The following ATP2B2 variants were observed in gnomAD, a reference collection of about 807,000 sequenced individuals.
ATP2B2 encodes ATPase plasma membrane Ca2+ transporting 2, also known as plasma membrane calcium-transporting ATPase 2.
Under a neutral mutation model 120.0 loss-of-function variants are expected in ATP2B2, and 15 were observed. The observed-to-expected ratio is 0.12, with a 90% CI of 0.08 to 0.19. ATP2B2 has a LOEUF of 0.19. Among genes scored for constraint, ATP2B2 ranks in the 10% least tolerant of loss-of-function variants. ATP2B2 has a pLI of 1.00. For synonymous variants in ATP2B2, 694 were observed against 700.3 expected (o/e 0.99, Z 0.14); for missense variants, 1,045 against 1,719.8 (o/e 0.61, Z 6.94).
chr3:10,351,288 T>C (rs963444771), intron 14 of ATP2B2, among the ~76,000 whole-genome samples: 1 of 142,116 alleles, frequency 7.0e-6, no homozygotes, highest in Non-Finnish European at 1.5e-5. Context: ...GAGCTGAGGG[T>C]TTCCCCGAGG....
chr3:10,526,996 A>G (rs899816503), intron 3 of ATP2B2, among the ~76,000 whole-genome samples: 1 of 152,160 alleles, frequency 6.6e-6, no homozygotes, highest in Admixed American at 6.5e-5. Context: ...TCCCCATTTC[A>G]TGGGTTTTTA....
intron 2 of ATP2B2, among the ~76,000 whole-genome samples, chr3:10,580,813 T>A (rs1400528668): frequency 6.6e-6 from 1 of 152,230 alleles, no homozygotes; most frequent in Non-Finnish European, 1.5e-5. Flanking sequence ...CAGGCTTCAA[T>A]TGCTTCTTGT....
intron 1 of ATP2B2, among the ~76,000 whole-genome samples, chr3:10,667,346 T>C (rs2070968257): frequency 6.6e-6 from 1 of 152,200 alleles, no homozygotes. Context: ...CACAATATTA[T>C]GTCTTTGGGT....
intron 2 of ATP2B2, among the ~76,000 whole-genome samples, chr3:10,413,407 G>A (rs940510792): frequency 6.6e-6 from 1 of 152,220 alleles, no homozygotes; most frequent in African/African-American, 2.4e-5. Flanking sequence ...TGTTGGTGCA[G>A]GCAAGCTCTT....
chr3:10,326,490 G>A lies in ATP2B2; in HGVS notation c.*2324C>T, dbSNP rs1348432061. ...GGAACGAGGTCACGGACACATGACT[G>A]ATCAAAGAAGTGGGGAGATGGAAAA... On this transcript the variant is annotated 3_prime_UTR_variant, in exon 23 of 23. Transcript: ENST00000360273. 7.8e-6 allele frequency: 3 copies of A among 387,092 alleles called. No homozygotes were observed. Among genetic ancestry groups the A allele is most frequent in the South Asian group, 1.4e-4 (1 of 6,908 alleles). 24.0% of individuals were successfully genotyped at this position (387,092 alleles called of 1,614,324 possible).
At chr3:10,525,824 TAA>T (rs900456579) in intron 3 of ATP2B2, among the ~76,000 whole-genome samples, 4 of 145,892 alleles carry the variant, frequency 2.7e-5, no homozygotes, top group African/African-American at 7.5e-5. Flanking sequence ...ATGCCTCAAT[TAA>T]AAAAAAAAAG....
chr3:10,396,965 T>C (rs1318819), intron 5 of ATP2B2, among the ~76,000 whole-genome samples: 95,917 of 152,050 alleles, frequency 0.63, 31,317 homozygotes, highest in African/African-American at 0.78. Flanking sequence ...GGAACCAACT[T>C]ATGTTGAGCC....
chr3:10,483,462 A>G (rs1003334349), intron 1 of ATP2B2, among the ~76,000 whole-genome samples: 5 of 152,170 alleles, frequency 3.3e-5, no homozygotes, highest in Non-Finnish European at 7.4e-5. Context: ...CACCACCCCG[A>G]GCACTGAGAG....
intron 2 of ATP2B2, among the ~76,000 whole-genome samples, chr3:10,441,580 G>T (rs1438860572): frequency 6.6e-6 from 1 of 152,176 alleles, no homozygotes; most frequent in East Asian, 1.9e-4. Context: ...ACCAAGAAGG[G>T]ATATCCTTGA....
In ATP2B2 at chr3:10,360,068, C is replaced by A; in HGVS notation, c.1715G>T (p.Gly572Val). 1 of 1,609,784 alleles carries A rather than the reference C, an allele frequency of 6.2e-7. No individual in the cohort carries two copies. Among genetic ancestry groups the A allele is most frequent in the Non-Finnish European group, 8.5e-7 (1 of 1,176,498 alleles). Residue 572 changes from glycine to valine, a missense_variant, in exon 13 of 23, where the codon GGC (glycine) becomes GTC (valine). By Grantham distance (109) the Gly-to-Val change is moderately radical. This residue lies in a region of ATP2B2 where 343 missense variants were observed against 536.8 expected (regional missense o/e 0.64). Transcript: ENST00000360273. ...CAGGTCCAGCACGAAGCCCAGCAGGCCGCACTCCGTCTTGTTGCCCACCTG... is the reference window on the plus strand; with the variant it reads ...CAGGTCCAGCACGAAGCCCAGCAGGACGCACTCCGTCTTGTTGCCCACCTG... The part of the protein sequence containing the change: ...PRQVGNKTEC[G>V]LLGFVLDLKQ...
chr3:10,361,656 C>T (rs1330580500), intron 12 of ATP2B2, among the ~76,000 whole-genome samples: 2 of 152,260 alleles, frequency 1.3e-5, no homozygotes, highest in Non-Finnish European at 2.9e-5. Context: ...TGTGCCTTCA[C>T]CTCTGCTGCT....
Position 10,434,643 on chromosome 3 carries a change from G to T in ATP2B2, c.199+14702C>A, listed in dbSNP as rs1322110250. Among the ~76,000 whole-genome samples, 4 of 152,402 alleles carry T rather than the reference G, an allele frequency of 2.6e-5. No individual in the cohort carries two copies. In the East Asian group the frequency reaches 7.7e-4, roughly 29 times the overall value. On this transcript the variant is annotated intron_variant, in intron 2 of 22. Transcript: ENST00000360273. ...TGATTCACCTGAGGCCACACAGTGA[G>T]TGAGCAGAGGAGCCAATGCTGGACT...
intron 11 of ATP2B2, 71 bp from the exon 12 acceptor site, chr3:10,372,122 C>T: frequency 6.2e-7 from 1 of 1,605,078 alleles, no homozygotes; most frequent in Non-Finnish European, 8.5e-7. Context: ...CCTGGAGGCA[C>T]TGGGTAAACA....
intron 2 of ATP2B2, among the ~76,000 whole-genome samples, chr3:10,538,871 G>A (rs2125490897): frequency 6.6e-6 from 1 of 152,238 alleles, no homozygotes; most frequent in Middle Eastern, 3.4e-3. Flanking sequence ...TGAAGTTCTG[G>A]CCAGGGCAAT....
intron 2 of ATP2B2, among the ~76,000 whole-genome samples, chr3:10,597,666 C>T (rs927463807): frequency 1.3e-5 from 2 of 152,204 alleles, no homozygotes; most frequent in African/African-American, 4.8e-5. Flanking sequence ...GTTTGAATCT[C>T]GGTTCTACCT....
At position 10,473,408 on chromosome 3, in the gene ATP2B2, G is replaced by C. The variant is rs2065086852; in HGVS notation, c.-319-23546C>G. Among the ~76,000 whole-genome samples the C allele has an allele frequency of 2.0e-5, 3 of 152,206 alleles. No homozygotes were observed. The South Asian group carries it at 6.2e-4, about 32-fold the overall frequency. On this transcript the variant is annotated intron_variant, in intron 1 of 22. Coordinates refer to ENST00000360273, the MANE Select transcript of ATP2B2 (RefSeq NM_001001331.4). Reference sequence around the variant, plus strand: ...GCACTTTGGGAGGCGGAGGCAGGTGGATCACTTGAGGCCAGGAGTTTGAGA... The same window carrying C: ...GCACTTTGGGAGGCGGAGGCAGGTGCATCACTTGAGGCCAGGAGTTTGAGA...
intron 1 of ATP2B2, among the ~76,000 whole-genome samples, chr3:10,624,468 A>G (rs1262592598): frequency 6.6e-6 from 1 of 152,110 alleles, no homozygotes; most frequent in East Asian, 1.9e-4. Context: ...ACGCTCTTGA[A>G]GGAGGGATTG....
chr3:10,388,407 GA>G lies in ATP2B2; in HGVS notation c.782-6del. The G allele has an allele frequency of 6.2e-7, 1 of 1,614,138 alleles. No individual in the cohort carries two copies. On this transcript the variant is annotated splice_polypyrimidine_tract_variant and splice_region_variant and intron_variant, in intron 5 of 22. Coordinates refer to ENST00000360273, the MANE Select transcript of ATP2B2 (RefSeq NM_001001331.4). ...AGCCCTCCATCACGTGGGTTCCTGG[GA>G]AAGGGGACAAAAGCCAAGTTACCAT...
rs2061588547 is a variant in ATP2B2, at chr3:10,383,495, C to T, written c.1000+1773G>A. On this transcript the variant is annotated intron_variant, in intron 8 of 22. Transcript: ENST00000360273. ...TTTTCTTGGGGTAAAGCCCTCTTAA[C>T]ATCCTTGTGAAACTTACAAGACACA... Among the ~76,000 whole-genome samples, 3 of 152,352 alleles carry T rather than the reference C, an allele frequency of 2.0e-5. No homozygotes were observed. In the South Asian group the frequency reaches 6.2e-4, roughly 32 times the overall value.
Sources: allele counts gnomAD v4.1 joint callset (sites outside exome capture counted in the v4.1 genomes callset), GRCh38; gene constraint gnomAD v4.1.1; regional missense constraint gnomAD v4.1.1; transcripts MANE v1.5; gene names NCBI Gene and HGNC (gene_info 2026-07-23, HGNC 2026-07-21).